Variants in DCC observed in about 807,000 individuals in gnomAD.
DCC encodes netrin receptor DCC.
In DCC, 58 loss-of-function variants were observed where a neutral mutation model predicts 172.5. The observed-to-expected ratio is 0.34, with a 90% CI of 0.27 to 0.42. DCC has a LOEUF of 0.42. DCC is among the 10% of genes least tolerant of loss of function. The pLI, the probability that DCC is intolerant of heterozygous loss-of-function variation, is 1.00. For missense variants in DCC, 1,740 were observed against 1,791.0 expected (o/e 0.97, Z 0.51); for synonymous variants, 709 against 644.5 (o/e 1.10, Z -1.52).
At chr18:52,873,561 C>T (rs904650120) in intron 2 of DCC, among the ~76,000 whole-genome samples, 2 of 152,160 alleles carry the variant, frequency 1.3e-5, no homozygotes, top group African/African-American at 2.4e-5. Flanking sequence ...GAGGTTTGAT[C>T]ATTTGTCAAT....
At chr18:53,416,613 G>T (rs951636591) in intron 21 of DCC, 12 of 200,210 alleles carry the variant, frequency 6.0e-5, no homozygotes, top group African/African-American at 2.4e-4. Flanking sequence ...ATCAAAGTTG[G>T]GTCACCTTTT....
chr18:53,061,628 G>A (rs1330126244), intron 5 of DCC, among the ~76,000 whole-genome samples: 3 of 152,112 alleles, frequency 2.0e-5, no homozygotes, highest in African/African-American at 4.8e-5. Context: ...TATTATTGCA[G>A]TATCTTTCTG....
intron 12 of DCC, among the ~76,000 whole-genome samples, chr18:53,226,054 T>A (rs1380529689): frequency 1.3e-5 from 2 of 152,086 alleles, no homozygotes; most frequent in Non-Finnish European, 2.9e-5. Context: ...GAGAGAACAC[T>A]GAGGCTTAGA....
intron 1 of DCC, among the ~76,000 whole-genome samples, chr18:52,445,690 A>G (rs1988098537): frequency 6.6e-6 from 1 of 152,196 alleles, no homozygotes; most frequent in African/African-American, 2.4e-5. Flanking sequence ...GACAGGACAA[A>G]AGAGACCCAG....
At chr18:52,656,004 A>ATATATATGTGCG (rs1555710473) in intron 1 of DCC, among the ~76,000 whole-genome samples, 1 of 99,954 alleles carries the variant, frequency 1.0e-5, no homozygotes, top group South Asian at 4.1e-4. Context: ...ATATGTGCGT[A>ATATATATGTGCG]TATATATATG....
At chr18:52,679,495 T>C (rs970253428) in intron 1 of DCC, among the ~76,000 whole-genome samples, 4 of 152,162 alleles carry the variant, frequency 2.6e-5, no homozygotes, top group African/African-American at 9.6e-5. Flanking sequence ...GCCCCCATCT[T>C]TGTAATGCCT....
chr18:53,342,647 T>C (rs2057673641), intron 15 of DCC, among the ~76,000 whole-genome samples: 1 of 149,816 alleles, frequency 6.7e-6, no homozygotes, highest in South Asian at 2.1e-4. Flanking sequence ...TAGTTTCAAA[T>C]GTAAAGGTCT....
intron 1 of DCC, among the ~76,000 whole-genome samples, chr18:52,445,395 T>C (rs1425372257): frequency 6.6e-6 from 1 of 152,186 alleles, no homozygotes; most frequent in Non-Finnish European, 1.5e-5. Flanking sequence ...CAGCTGCACT[T>C]ATTTACCTGT....
At chr18:53,456,721 C>T (rs999190852) in intron 23 of DCC, among the ~76,000 whole-genome samples, 9 of 152,060 alleles carry the variant, frequency 5.9e-5, no homozygotes, top group Non-Finnish European at 1.2e-4. Flanking sequence ...GTTTAGAGAC[C>T]CCACTTTGGC....
chr18:53,232,947 C>T (rs62100779), intron 12 of DCC, among the ~76,000 whole-genome samples: 64,820 of 112,896 alleles, frequency 0.57, 15,063 homozygotes, highest in Non-Finnish European at 0.67. Context: ...TTTTTTTTTT[C>T]CCCAGGTATT....
At chr18:52,705,918 CCAGA>C (rs1043134739) in intron 1 of DCC, among the ~76,000 whole-genome samples, 7 of 152,254 alleles carry the variant, frequency 4.6e-5, no homozygotes, top group Middle Eastern at 3.4e-3. Flanking sequence ...CATCTCCATA[CCAGA>C]CATTTTATGT....
chr18:53,256,346 G>A (rs1598952810), intron 12 of DCC, among the ~76,000 whole-genome samples: 2 of 152,296 alleles, frequency 1.3e-5, no homozygotes, highest in East Asian at 3.9e-4. Flanking sequence ...ATGGTTTTAG[G>A]TCTAACATGT....
chr18:52,349,818 C>T (rs1382169070), intron 1 of DCC, among the ~76,000 whole-genome samples: 1 of 152,108 alleles, frequency 6.6e-6, no homozygotes, highest in African/African-American at 2.4e-5. Flanking sequence ...TTTGATTTTT[C>T]CTCATACCAC....
chr18:53,101,107 G>A (rs1281840073), intron 7 of DCC, among the ~76,000 whole-genome samples: 1 of 152,016 alleles, frequency 6.6e-6, no homozygotes, highest in Non-Finnish European at 1.5e-5. Context: ...GTGAGATATA[G>A]CATAACAAAT....
At chr18:52,751,087 A>G (rs983201844) in intron 1 of DCC, among the ~76,000 whole-genome samples, 1 of 152,218 alleles carries the variant, frequency 6.6e-6, no homozygotes, top group Non-Finnish European at 1.5e-5. Context: ...ATGATTAAAT[A>G]TTGAAAACAA....
chr18:52,552,078 C>T (rs1038162527), intron 1 of DCC, among the ~76,000 whole-genome samples: 3 of 152,138 alleles, frequency 2.0e-5, no homozygotes, highest in African/African-American at 7.2e-5. Flanking sequence ...CAAGTAATTC[C>T]AAGTGAGAAA....
intron 1 of DCC, among the ~76,000 whole-genome samples, chr18:52,678,294 A>G (rs2035681813): frequency 1.3e-5 from 2 of 152,100 alleles, no homozygotes; most frequent in Admixed American, 1.3e-4. Context: ...TACTCCTGGG[A>G]TGATCTATAA....
At chr18:53,263,427 C>G (rs773860090) in intron 12 of DCC, among the ~76,000 whole-genome samples, 1 of 152,208 alleles carries the variant, frequency 6.6e-6, no homozygotes, top group South Asian at 2.1e-4. Context: ...GCTGGGATTA[C>G]AGGCATGAGC....
intron 1 of DCC, among the ~76,000 whole-genome samples, chr18:52,604,048 G>A (rs1408265348): frequency 6.6e-6 from 1 of 151,960 alleles, no homozygotes; most frequent in African/African-American, 2.4e-5. Flanking sequence ...AGTAAAGGTG[G>A]CATCTAAGAT....
Sources: allele counts gnomAD v4.1 joint callset (sites outside exome capture counted in the v4.1 genomes callset), GRCh38; gene constraint gnomAD v4.1.1; transcripts MANE v1.5; gene names NCBI Gene and HGNC (gene_info 2026-07-23, HGNC 2026-07-21).